The following DENND10 variants were observed in gnomAD, a reference collection of about 807,000 sequenced individuals.
DENND10 encodes DENN domain containing 10, also known as DENN domain-containing protein 10.
Under a neutral mutation model 43.6 loss-of-function variants are expected in DENND10, and 24 were observed. The observed-to-expected ratio is 0.55, with a 90% confidence interval of 0.40 to 0.77. DENND10 has a LOEUF of 0.77. DENND10 is among the 30% of genes least tolerant of loss of function. The pLI is 0.00. For missense variants in DENND10, 303 were observed against 429.9 expected, an observed-to-expected ratio of 0.70 and a Z score of 2.61; for synonymous variants, 125 against 157.6, an observed-to-expected ratio of 0.79 and a Z score of 1.55.
intron 2 of DENND10, among the ~76,000 whole-genome samples, chr10:119,110,707 G>A (rs957062827): frequency 6.6e-6 from 1 of 152,024 alleles, no homozygotes; most frequent in Non-Finnish European, 1.5e-5. Flanking sequence ...CACCTGCCTC[G>A]GCCTCCCAAA....
At chr10:119,135,163 C>CAAAAAAAAAAA (rs61460927) in intron 8 of DENND10, 2 of 132,638 alleles carry the variant, frequency 1.5e-5, no homozygotes, top group Non-Finnish European at 3.3e-5. Flanking sequence ...AAAACTGTCT[C>CAAAAAAAAAAA]AAAAAAAAAA....
chr10:119,129,667 G>A (rs1156817185), intron 7 of DENND10, 45 bp downstream of exon 7: 1 of 1,386,292 alleles, frequency 7.2e-7, no homozygotes, highest in African/African-American at 1.4e-5. Flanking sequence ...AAGCCAAACA[G>A]TTGTACATTT....
At chr10:119,136,331 G>A in intron 8 of DENND10, 140 bp from the exon 9 acceptor site, 1 of 945,568 alleles carries the variant, frequency 1.1e-6, no homozygotes, top group Non-Finnish European at 1.5e-6. Context: ...AAAGTGCTGG[G>A]ATTACAGGCA....
intron 6 of DENND10, 104 bp downstream of exon 6, chr10:119,123,673 G>C (rs1355593211): frequency 3.5e-6 from 3 of 860,020 alleles, no homozygotes; most frequent in South Asian, 3.0e-5. Flanking sequence ...GCAATGGCAC[G>C]ATCTTAGCTC....
chr10:119,127,793 C>G (rs1377295801), intron 6 of DENND10, among the ~76,000 whole-genome samples: 1 of 151,934 alleles, frequency 6.6e-6, no homozygotes, highest in Non-Finnish European at 1.5e-5. Context: ...TGGCCACCAG[C>G]TAATTTTTGT....
rs1846150783 is a variant in DENND10 at position 119,132,934 on chromosome 10, C to T, written c.897+325C>T. The T allele has an allele frequency of 3.3e-6, 1 of 303,876 alleles. No individual in the cohort carries two copies. The highest frequency in any genetic ancestry group is 6.2e-6 in the Non-Finnish European group (1 of 161,612). 18.8% of individuals were successfully genotyped at this position (303,876 alleles called of 1,614,324 possible). On this transcript the variant is annotated intron_variant, in intron 8 of 8. Transcript: ENST00000361432. The surrounding 1 kb of genome is among the most constrained non-coding windows in gnomAD (Gnocchi z 4.2). ...ATTCTTTCTTCCTAGGAGAATTTCC[C>T]TGGAGGAACAAATTATAAAGGGGAG...
intron 1 of DENND10, 26 bp from the exon 2 acceptor site, chr10:119,107,942 T>C (rs969549394): frequency 1.7e-5 from 27 of 1,608,742 alleles, no homozygotes; most frequent in Non-Finnish European, 2.3e-5. Flanking sequence ...TTTGACATTC[T>C]CACAGTGACC....
At chr10:119,127,588 T>C (rs1246122459) in intron 6 of DENND10, among the ~76,000 whole-genome samples, 1 of 152,066 alleles carries the variant, frequency 6.6e-6, no homozygotes, top group Non-Finnish European at 1.5e-5. Context: ...AAGCAATTCT[T>C]GTGCCTCAGC....
At position 119,108,008 on chromosome 10, in the gene DENND10, T is replaced by C. The variant is rs781651733; in HGVS notation, c.96T>C (p.Tyr32=). 1 of 1,613,992 alleles carries C rather than the reference T, an allele frequency of 6.2e-7. No homozygotes were observed. Among genetic ancestry groups the C allele is most frequent in the Non-Finnish European group, 8.5e-7 (1 of 1,179,862 alleles). Residue 32 remains tyrosine (Y), a synonymous_variant, in exon 2 of 9, where the codon TAT becomes TAC. Transcript: ENST00000361432. ...GAGAAGTTCTGTGGGTGTGGTGTTA[T>C]CCTTCCACGACAGCCACATTAAGGA... ...TNGEVLWVWC[Y]PSTTATLRNL...
intron 4 of DENND10, among the ~76,000 whole-genome samples, chr10:119,119,676 A>T: frequency 6.6e-6 from 1 of 151,886 alleles, no homozygotes; most frequent in Admixed American, 6.6e-5. Context: ...TGGCCTCCCA[A>T]AGTGTTGGTA....
At chr10:119,113,333 G>A (rs369250730) in intron 3 of DENND10, among the ~76,000 whole-genome samples, 13 of 151,748 alleles carry the variant, frequency 8.6e-5, no homozygotes, top group African/African-American at 3.1e-4. Flanking sequence ...AGGACTACAG[G>A]TGTGTGCCAC....
intron 5 of DENND10, among the ~76,000 whole-genome samples, chr10:119,121,220 C>G (rs181454102): frequency 0.011 from 1,699 of 152,214 alleles, 37 homozygotes; most frequent in African/African-American, 0.039. Context: ...AGCTCCCCCA[C>G]CTGCCATACA....
intron 3 of DENND10, among the ~76,000 whole-genome samples, chr10:119,112,261 T>C (rs1017296790): frequency 2.0e-5 from 3 of 152,170 alleles, no homozygotes; most frequent in African/African-American, 7.2e-5. Flanking sequence ...AAGGGCCTTA[T>C]GACATGGTAA....
Position 119,129,585 on chromosome 10 carries a change from G to C in DENND10, c.765G>C (p.Leu255=). Residue 255 remains leucine, a synonymous_variant, in exon 7 of 9, where the codon CTG becomes CTC. Transcript: ENST00000361432. ...RPDLYDVFVN[L]AESEITIAPL... The stretch of plus-strand genomic sequence containing the variant: ...ACCTCTATGATGTGTTTGTGAATCT[G>C]GCAGAGAGTGAGATTACCATTGCTC... The C allele has an allele frequency of 6.2e-7, 1 of 1,613,208 alleles. No individual in the cohort carries two copies.
intron 4 of DENND10, among the ~76,000 whole-genome samples, chr10:119,118,439 T>G (rs941270381): frequency 6.6e-6 from 1 of 152,142 alleles, no homozygotes; most frequent in Non-Finnish European, 1.5e-5. Context: ...AAATCCAAAA[T>G]GCAGACAGCT....
At position 119,120,359 on chromosome 10, in the gene DENND10, G is replaced by A. The variant is rs144364814; in HGVS notation, c.500G>A (p.Gly167Glu). 3 of 1,605,974 alleles carry A rather than the reference G, an allele frequency of 1.9e-6. No individual in the cohort carries two copies. Among genetic ancestry groups the A allele is most frequent in the African/African-American group, 2.7e-5 (2 of 74,740 alleles). Residue 167 changes from glycine (G) to glutamate (E), a missense_variant, in exon 5 of 9, where the codon GGA (glycine) becomes GAA (glutamate). Physicochemically the swap from Gly to Glu is moderately conservative, Grantham distance 98. Transcript: ENST00000361432. Reference protein sequence around the residue: ...GSIKDIVSQFGMETVILHTAL... With the variant: ...GSIKDIVSQFEMETVILHTAL... The stretch of plus-strand genomic sequence containing the variant: ...TTTGAAGACATTGTATCTCAGTTTG[G>A]AATGGAAACTGTTATCTTACACACA...
rs2133524455 is a variant in DENND10 at position 119,129,555 on chromosome 10, ACCAGAC to A, written c.737_742del (p.Pro246_Asp247del). ...TTGTAGACTTGGAGGTGAGCAACAG[ACCAGAC>A]CTCTATGATGTGTTTGTGAATCTGG... On this transcript the variant is annotated inframe_deletion, in exon 7 of 9. Transcript: ENST00000361432. 6.2e-7 allele frequency: 1 copy of A among 1,613,982 alleles called. No individual in the cohort carries two copies. Among genetic ancestry groups the A allele is most frequent in the Non-Finnish European group, 8.5e-7 (1 of 1,179,864 alleles).
At chr10:119,135,815 A>AAAAAAAAAAAAC (rs1564804559) in intron 8 of DENND10, among the ~76,000 whole-genome samples, 1 of 137,916 alleles carries the variant, frequency 7.3e-6, no homozygotes, top group Non-Finnish European at 1.6e-5. Flanking sequence ...AAAAAAAAAA[A>AAAAAAAAAAAAC]ACCAAAACCA....
At chr10:119,114,313 C>T (rs1015183410) in intron 3 of DENND10, 4 of 152,330 alleles carry the variant, frequency 2.6e-5, no homozygotes, top group South Asian at 2.1e-4. Context: ...CATGCACACA[C>T]TCATAGGCAA....
Sources: allele counts gnomAD v4.1 joint callset (sites outside exome capture counted in the v4.1 genomes callset), GRCh38; gene constraint gnomAD v4.1.1; non-coding constraint Gnocchi (gnomAD v3.1); transcripts MANE v1.5; gene names NCBI Gene and HGNC (gene_info 2026-07-23, HGNC 2026-07-21).